The following MACROD2 variants were observed in gnomAD, a reference collection of about 807,000 sequenced individuals.
The protein encoded by MACROD2 is mono-ADP ribosylhydrolase 2, also known as ADP-ribose glycohydrolase MACROD2.
MACROD2 carries 36 observed loss-of-function variants against 70.4 expected under a neutral mutation model. The observed-to-expected ratio is 0.51, with a 90% CI of 0.39 to 0.68. The LOEUF (loss-of-function observed/expected upper bound fraction) is 0.68, where lower values mean the gene tolerates loss of function less well. Among genes scored for constraint, MACROD2 ranks in the 30% least tolerant of loss-of-function variants. The pLI, the probability that MACROD2 is intolerant of heterozygous loss-of-function variation, is 0.00. For synonymous variants in MACROD2, 172 were observed against 178.8 expected (o/e 0.96, Z 0.30); for missense variants, 496 against 538.4 (o/e 0.92, Z 0.78).
Position 14,326,688 on chromosome 20 carries a change from G to C in MACROD2, c.272-166791G>C. 1 of 1,613,756 alleles carries C rather than the reference G, an allele frequency of 6.2e-7. No individual in the cohort carries two copies. The highest frequency in any genetic ancestry group is 8.5e-7 in the Non-Finnish European group (1 of 1,179,814). On this transcript the variant is annotated intron_variant, in intron 3 of 17. Coordinates refer to ENST00000684519, the MANE Select transcript of MACROD2 (RefSeq NM_001351661.2). This position sits in a 1 kb window ranked among gnomAD's most constrained non-coding sequence, Gnocchi z 5.5. ...TATTATTGGACATATCCAGTCGATA[G>C]AGCTGCCTTAGATAAGAAAAAGCAT...
intron 5 of MACROD2, among the ~76,000 whole-genome samples, chr20:14,981,300 G>A (rs1224486653): frequency 6.6e-6 from 1 of 151,848 alleles, no homozygotes; most frequent in Non-Finnish European, 1.5e-5. Flanking sequence ...CATCCCCACT[G>A]CCTGGAATGT....
chr20:15,955,267 C>G lies in MACROD2; in HGVS notation c.908-12286C>G, dbSNP rs913348941. On this transcript the variant is annotated intron_variant, in intron 12 of 17. Transcript: ENST00000684519. Reference sequence around the variant, plus strand: ...TGGATCCATGACCCACTCATTAATTCGTTGCTGACACACAGTCCTGATTAT... The same window carrying G: ...TGGATCCATGACCCACTCATTAATTGGTTGCTGACACACAGTCCTGATTAT... Among the ~76,000 whole-genome samples the G allele has an allele frequency of 4.6e-5, 7 of 152,118 alleles. No individual in the cohort carries two copies. In the South Asian group the frequency reaches 6.2e-4, roughly 13 times the overall value.
intron 8 of MACROD2, among the ~76,000 whole-genome samples, chr20:15,832,294 TC>T (rs542484724): frequency 1.8e-4 from 27 of 152,258 alleles, no homozygotes; most frequent in Admixed American, 1.8e-3. Context: ...CAGGGTCTGA[TC>T]CTCTTTGGGG....
intron 4 of MACROD2, among the ~76,000 whole-genome samples, chr20:14,547,898 G>A (rs1045506494): frequency 3.9e-5 from 6 of 152,176 alleles, no homozygotes; most frequent in Admixed American, 2.0e-4. Context: ...CTGCAGTCTC[G>A]TGTGGACTTG....
intron 7 of MACROD2, among the ~76,000 whole-genome samples, chr20:15,457,682 G>C (rs2046746959): frequency 6.6e-6 from 1 of 152,020 alleles, no homozygotes; most frequent in Non-Finnish European, 1.5e-5. Context: ...ATCCCCTTTA[G>C]TTACTTCCCT....
chr20:14,890,171 T>A (rs2073735400), intron 5 of MACROD2, among the ~76,000 whole-genome samples: 1 of 151,864 alleles, frequency 6.6e-6, no homozygotes, highest in Non-Finnish European at 1.5e-5. Flanking sequence ...ACGTGTCAAG[T>A]GGAAGATATA....
At chr20:14,908,428 G>A (rs934472429) in intron 5 of MACROD2, among the ~76,000 whole-genome samples, 2 of 152,172 alleles carry the variant, frequency 1.3e-5, no homozygotes, top group Non-Finnish European at 2.9e-5. Context: ...GCCGAGGTGG[G>A]CAGATCACCT....
chr20:14,219,959 G>A (rs759785120), intron 3 of MACROD2, among the ~76,000 whole-genome samples: 21 of 152,302 alleles, frequency 1.4e-4, no homozygotes, highest in Middle Eastern at 3.4e-3. Flanking sequence ...GACTCTGTGA[G>A]GCTTCTTAGC....
At chr20:14,757,683 A>AGTCATAAAGG in intron 5 of MACROD2, 1 of 1,415,466 alleles carries the variant, frequency 7.1e-7, no homozygotes, top group East Asian at 2.3e-5. Flanking sequence ...AATGTGTCCA[A>AGTCATAAAGG]CCTTCCTGTC....
At chr20:14,049,909 C>T (rs2053541374) in intron 2 of MACROD2, among the ~76,000 whole-genome samples, 1 of 151,916 alleles carries the variant, frequency 6.6e-6, no homozygotes, top group African/African-American at 2.4e-5. Flanking sequence ...CACTGCAAAA[C>T]TCTGTCTCTA....
intron 8 of MACROD2, among the ~76,000 whole-genome samples, chr20:15,705,175 A>G (rs536032566): frequency 7.2e-5 from 11 of 152,362 alleles, no homozygotes; most frequent in Non-Finnish European, 1.3e-4. Flanking sequence ...TTCCTCATAA[A>G]AAAATAAAAT....
At chr20:15,984,769 C>T (rs2066454266) in intron 13 of MACROD2, among the ~76,000 whole-genome samples, 1 of 151,908 alleles carries the variant, frequency 6.6e-6, no homozygotes. Flanking sequence ...TTGTTGAAAA[C>T]CTTGTAAGTT....
At chr20:14,915,595 C>T (rs375185317) in intron 5 of MACROD2, among the ~76,000 whole-genome samples, 5 of 152,142 alleles carry the variant, frequency 3.3e-5, no homozygotes, top group East Asian at 1.9e-4. Flanking sequence ...TTGCTTGCCT[C>T]GGCGTCCGAG....
At chr20:14,136,794 C>A (rs190927534) in intron 3 of MACROD2, among the ~76,000 whole-genome samples, 2 of 152,292 alleles carry the variant, frequency 1.3e-5, no homozygotes, top group African/African-American at 4.8e-5. Context: ...ACCTTCTATT[C>A]TCTTCCCTTA....
intron 8 of MACROD2, among the ~76,000 whole-genome samples, chr20:15,782,537 C>T (rs1032572185): frequency 6.6e-6 from 1 of 151,830 alleles, no homozygotes; most frequent in Admixed American, 6.6e-5. Context: ...CTAGCCTGGA[C>T]AACATGGCAG....
At chr20:15,227,823 GTTT>G (rs59129207) in intron 5 of MACROD2, among the ~76,000 whole-genome samples, 14 of 46,110 alleles carry the variant, frequency 3.0e-4, no homozygotes, top group South Asian at 2.9e-3. Context: ...AATTTCACCT[GTTT>G]TTTTTTTTTT....
rs1414523630 is a variant in MACROD2, at chr20:15,207,153, A to AT, written c.419-22781dup. On this transcript the variant is annotated intron_variant, in intron 5 of 17. Coordinates refer to ENST00000684519, the MANE Select transcript of MACROD2 (RefSeq NM_001351661.2). ...CTCCCATATTTTTGCTTTTTCTGCT[A>AT]TTTTTTCTAGTTTCCTGATGCCTCA... Among the ~76,000 whole-genome samples, 4 of 152,012 alleles carry AT rather than the reference A, an allele frequency of 2.6e-5. No homozygotes were observed. The East Asian group carries it at 5.8e-4, about 22-fold the overall frequency.
At chr20:15,967,499 G>A in intron 12 of MACROD2, 54 bp from the exon 13 acceptor site, 1 of 1,396,624 alleles carries the variant, frequency 7.2e-7, no homozygotes, top group Non-Finnish European at 1.0e-6. Context: ...GCTGAAAGCT[G>A]CTCTGTTTCC....
At chr20:14,358,394 T>G (rs2083192242) in intron 3 of MACROD2, among the ~76,000 whole-genome samples, 1 of 152,222 alleles carries the variant, frequency 6.6e-6, no homozygotes. Flanking sequence ...AATACTTATA[T>G]TAACTCATGA....
Sources: allele counts gnomAD v4.1 joint callset (sites outside exome capture counted in the v4.1 genomes callset), GRCh38; gene constraint gnomAD v4.1.1; non-coding constraint Gnocchi (gnomAD v3.1); transcripts MANE v1.5; gene names NCBI Gene and HGNC (gene_info 2026-07-23, HGNC 2026-07-21).